NRG3: variants seen among roughly 807,000 people sequenced by gnomAD.
The protein encoded by NRG3 is neuregulin 3, also known as pro-neuregulin-3, membrane-bound isoform.
Under a neutral mutation model 66.9 loss-of-function variants are expected in NRG3, and 31 were observed. The ratio of observed to expected loss-of-function variants is 0.46; its 90% CI spans 0.35 to 0.63. The LOEUF (loss-of-function observed/expected upper bound fraction) is 0.63. Ranked by LOEUF, NRG3 falls within the 20% of genes least tolerant of loss-of-function variation. The pLI, the probability that NRG3 is intolerant of heterozygous loss-of-function variation, is 0.00. For missense variants in NRG3, 910 were observed against 878.9 expected (o/e 1.04, Z -0.45); for synonymous variants, 393 against 359.4 (o/e 1.09, Z -1.06).
At chr10:82,145,003 C>G (rs949597173) in intron 1 of NRG3, among the ~76,000 whole-genome samples, 1 of 152,212 alleles carries the variant, frequency 6.6e-6, no homozygotes, top group Non-Finnish European at 1.5e-5. Context: ...AAAACTGCTT[C>G]CCTGTACACA....
At chr10:82,599,831 A>T (rs1182238595) in intron 2 of NRG3, among the ~76,000 whole-genome samples, 1 of 152,128 alleles carries the variant, frequency 6.6e-6, no homozygotes, top group Admixed American at 6.5e-5. Flanking sequence ...AAACAAAACA[A>T]ATCAAAATAA....
intron 2 of NRG3, among the ~76,000 whole-genome samples, chr10:82,592,468 G>A (rs2047037760): frequency 6.6e-6 from 1 of 152,164 alleles, no homozygotes; most frequent in Non-Finnish European, 1.5e-5. Context: ...AAGAAATATG[G>A]TTTGCCTTGT....
At chr10:82,505,061 T>A (rs1844546936) in intron 2 of NRG3, among the ~76,000 whole-genome samples, 1 of 152,194 alleles carries the variant, frequency 6.6e-6, no homozygotes, top group Non-Finnish European at 1.5e-5. Flanking sequence ...AAAGTAATGA[T>A]CTAGCTATTT....
intron 1 of NRG3, among the ~76,000 whole-genome samples, chr10:82,346,173 C>A: frequency 1.4e-5 from 2 of 146,530 alleles, no homozygotes; most frequent in Admixed American, 6.8e-5. Context: ...CCAGTTTTTG[C>A]CCATTCAGTA....
chr10:82,834,658 G>A (rs2062691693), intron 3 of NRG3, among the ~76,000 whole-genome samples: 1 of 152,172 alleles, frequency 6.6e-6, no homozygotes, highest in Admixed American at 6.5e-5. Context: ...CACTCAAGGT[G>A]CTGCTGTGTC....
At chr10:82,642,257 A>C (rs977908484) in intron 2 of NRG3, among the ~76,000 whole-genome samples, 4 of 127,098 alleles carry the variant, frequency 3.1e-5, no homozygotes, top group Admixed American at 2.4e-4. Context: ...GTAACCAAAT[A>C]GTAGATGGAG....
chr10:82,025,265 G>C (rs887711809), intron 1 of NRG3, among the ~76,000 whole-genome samples: 2 of 150,232 alleles, frequency 1.3e-5, no homozygotes, highest in African/African-American at 4.9e-5. Flanking sequence ...CTTACACTTT[G>C]ATATAAAGAA....
At chr10:82,427,808 G>T (rs995323372) in intron 2 of NRG3, among the ~76,000 whole-genome samples, 1 of 151,920 alleles carries the variant, frequency 6.6e-6, no homozygotes, top group African/African-American at 2.4e-5. Context: ...TAAACATTTG[G>T]TAGATTTTAT....
intron 2 of NRG3, among the ~76,000 whole-genome samples, chr10:82,468,546 T>C (rs894507050): frequency 1.3e-5 from 2 of 152,158 alleles, no homozygotes; most frequent in Admixed American, 6.5e-5. Flanking sequence ...AATCTCAGCA[T>C]TGAGGAGAGA....
At position 82,223,870 on chromosome 10, in the gene NRG3, C is replaced by T. The variant is rs114968224; in HGVS notation, c.824-134869C>T. ...ATTCTGGCGCTTCCAGAAAGCAGCA[C>T]CTTAGGGCTATAGGCACAGCTATTA... On this transcript the variant is annotated intron_variant, in intron 1 of 8. Coordinates refer to ENST00000372141, the MANE Select transcript of NRG3 (RefSeq NM_001010848.4). Among the ~76,000 whole-genome samples the T allele has an allele frequency of 4.3e-3, 655 of 152,254 alleles. 5 individuals are homozygous for T. The highest frequency in any genetic ancestry group is 0.015 in the African/African-American group (614 of 41,542).
At chr10:82,686,676 C>T (rs571807822) in intron 2 of NRG3, among the ~76,000 whole-genome samples, 5 of 152,222 alleles carry the variant, frequency 3.3e-5, no homozygotes, top group South Asian at 2.1e-4. Context: ...TTAACTAAAA[C>T]GTCGTTATGC....
intron 1 of NRG3, among the ~76,000 whole-genome samples, chr10:82,349,264 TGTTA>T (rs2083244197): frequency 6.6e-6 from 1 of 151,954 alleles, no homozygotes; most frequent in African/African-American, 2.4e-5. Flanking sequence ...CCTTTCTGTT[TGTTA>T]GTTTTCCTTC....
At chr10:82,042,348 A>G (rs1298967306) in intron 1 of NRG3, among the ~76,000 whole-genome samples, 3 of 152,036 alleles carry the variant, frequency 2.0e-5, no homozygotes, top group Admixed American at 2.0e-4. Flanking sequence ...TATTTTTTGC[A>G]AATACCTATG....
At chr10:82,333,938 C>T (rs1395464729) in intron 1 of NRG3, among the ~76,000 whole-genome samples, 2 of 151,902 alleles carry the variant, frequency 1.3e-5, no homozygotes, top group African/African-American at 2.4e-5. Flanking sequence ...GCCTGTAATC[C>T]CAGCACTTTG....
At chr10:82,038,715 C>A (rs1390262427) in intron 1 of NRG3, among the ~76,000 whole-genome samples, 1 of 152,110 alleles carries the variant, frequency 6.6e-6, no homozygotes, top group African/African-American at 2.4e-5. Flanking sequence ...CTCATTCATT[C>A]ATCTGTTTGC....
chr10:81,910,348 C>T (rs79873788), intron 1 of NRG3, among the ~76,000 whole-genome samples: 3,371 of 152,248 alleles, frequency 0.022, 54 homozygotes, highest in Non-Finnish European at 0.031. Context: ...ATCCCTTTGA[C>T]GGTGGGAACA....
chr10:82,970,197 T>C (rs1247617166), intron 6 of NRG3, among the ~76,000 whole-genome samples: 1 of 152,252 alleles, frequency 6.6e-6, no homozygotes, highest in African/African-American at 2.4e-5. Flanking sequence ...AAAGAGTATG[T>C]ATATCTAAAA....
At chr10:82,557,996 G>T (rs190077766) in intron 2 of NRG3, among the ~76,000 whole-genome samples, 1 of 152,184 alleles carries the variant, frequency 6.6e-6, no homozygotes, top group South Asian at 2.1e-4. Context: ...TTTGGAACAC[G>T]TGGAGCTCTA....
At chr10:82,969,341 A>G (rs1418332434) in intron 6 of NRG3, among the ~76,000 whole-genome samples, 1 of 152,224 alleles carries the variant, frequency 6.6e-6, no homozygotes, top group Admixed American at 6.5e-5. Flanking sequence ...TATTCAGGAT[A>G]TCATCGCACT....
Sources: gnomAD v4.1 joint callset for allele counts (sites outside exome capture counted in the v4.1 genomes callset) on GRCh38, gnomAD v4.1.1 for gene constraint, MANE v1.5 for transcripts, NCBI Gene and HGNC (gene_info 2026-07-23, HGNC 2026-07-21) for gene names.